The following SUSD4 variants were observed in gnomAD, a reference collection of about 807,000 sequenced individuals.
SUSD4 encodes the protein sushi domain-containing protein 4.
In SUSD4, 41 loss-of-function variants were observed where a neutral mutation model predicts 50.5. The ratio of observed to expected loss-of-function variants is 0.81; its 90% CI spans 0.63 to 1.05. The LOEUF is 1.05. Ranked by LOEUF, SUSD4 falls within the 50% of genes least tolerant of loss-of-function variation. The pLI, the probability that SUSD4 is intolerant of heterozygous loss-of-function variation, is 0.00. For missense variants in SUSD4, 580 were observed against 634.7 expected, an observed-to-expected ratio of 0.91 and a Z score of 0.93; for synonymous variants, 257 against 257.3, an observed-to-expected ratio of 1.00 and a Z score of 0.01.
intron 2 of SUSD4, among the ~76,000 whole-genome samples, chr1:223,299,550 C>G (rs1046515563): frequency 1.3e-5 from 2 of 152,094 alleles, no homozygotes; most frequent in African/African-American, 4.8e-5. Flanking sequence ...TAAGAGATAG[C>G]CTTTGTGATG....
In SUSD4 at chr1:223,227,765, G is replaced by A. The variant is rs763833870; in HGVS notation, c.917-27C>T. 36 of 1,588,020 alleles carry A rather than the reference G, an allele frequency of 2.3e-5. No homozygotes were observed. The highest frequency in any genetic ancestry group is 3.3e-4 in the Middle Eastern group (2 of 5,984). ...TGCATGAGGGAGAACAAAGCTGTAC[G>A]TGAGGCTCCCAGACCATGAGAGGTG... is the stretch of plus-strand genomic sequence containing the variant. On this transcript the variant is annotated intron_variant, in intron 6 of 8. Coordinates refer to ENST00000366878, the MANE Select transcript of SUSD4 (RefSeq NM_017982.4). This position sits in a 1 kb window ranked among gnomAD's most constrained non-coding sequence, Gnocchi z 4.5.
At chr1:223,226,347 G>A (rs1426001588) in intron 7 of SUSD4, among the ~76,000 whole-genome samples, 1 of 152,212 alleles carries the variant, frequency 6.6e-6, no homozygotes, top group East Asian at 1.9e-4. Flanking sequence ...ACACACCTCT[G>A]GGCCTGGGGA....
chr1:223,275,761 G>C (rs918720387), intron 3 of SUSD4, among the ~76,000 whole-genome samples: 1 of 151,896 alleles, frequency 6.6e-6, no homozygotes, highest in Non-Finnish European at 1.5e-5. Flanking sequence ...ACCACCATGT[G>C]ATGGGCTATG....
In SUSD4 at chr1:223,341,642, G is replaced by A. The variant is rs115764077; in HGVS notation, c.148+21636C>T. ...CAGGTCTTGTTTTAAATACACAAAC[G>A]GAGGGACAATCAGCATGGCTCCCCC... On this transcript the variant is annotated intron_variant, in intron 2 of 8. Coordinates refer to ENST00000366878, the MANE Select transcript of SUSD4 (RefSeq NM_017982.4). Among the ~76,000 whole-genome samples the A allele has an allele frequency of 8.8e-3, 1,337 of 152,288 alleles. 22 individuals are homozygous for A. Among genetic ancestry groups the A allele is most frequent in the African/African-American group, 0.03 (1,262 of 41,566 alleles).
intron 5 of SUSD4, among the ~76,000 whole-genome samples, chr1:223,237,784 A>G (rs750834627): frequency 6.6e-6 from 1 of 151,954 alleles, no homozygotes; most frequent in African/African-American, 2.4e-5. Flanking sequence ...TATGTTCATG[A>G]AAGATATTGA....
chr1:223,229,170 C>T lies in SUSD4; in HGVS notation c.916+27G>A, dbSNP rs374712669. ...AGATGGTCCAAGGAGGGTCCATCTC[C>T]TCCAAGGGTGAGGCCTTCAGTCTTA... On this transcript the variant is annotated intron_variant, in intron 6 of 8. Transcript: ENST00000366878. The surrounding 1 kb of genome is among the most constrained non-coding windows in gnomAD (Gnocchi z 4.7). 1.3e-6 allele frequency: 2 copies of T among 1,581,784 alleles called. No homozygotes were observed. The highest frequency in any genetic ancestry group is 1.8e-4 in the Middle Eastern group (1 of 5,666).
At chr1:223,224,484 G>T (rs1287171999) in intron 7 of SUSD4, among the ~76,000 whole-genome samples, 1 of 151,858 alleles carries the variant, frequency 6.6e-6, no homozygotes, top group East Asian at 1.9e-4. Flanking sequence ...TTTAAAAAAA[G>T]AAAAAGAAAA....
intron 2 of SUSD4, among the ~76,000 whole-genome samples, chr1:223,311,144 CAGAT>C (rs1417266405): frequency 1.3e-5 from 2 of 152,226 alleles, no homozygotes; most frequent in Non-Finnish European, 2.9e-5. Flanking sequence ...AGAAATAACA[CAGAT>C]GGATGCCGAG....
chr1:223,228,453 C>T (rs568719229), intron 6 of SUSD4, among the ~76,000 whole-genome samples: 1 of 152,328 alleles, frequency 6.6e-6, no homozygotes, highest in African/African-American at 2.4e-5. Context: ...ATGCAGTCAT[C>T]AGCACTGCTC....
chr1:223,338,336 C>A (rs1386040192), intron 2 of SUSD4, among the ~76,000 whole-genome samples: 3 of 152,110 alleles, frequency 2.0e-5, no homozygotes, highest in South Asian at 2.1e-4. Context: ...CAGGGCTGCA[C>A]AAGTACCCAG....
intron 8 of SUSD4, among the ~76,000 whole-genome samples, chr1:223,222,887 G>A (rs950471076): frequency 3.3e-5 from 5 of 152,120 alleles, no homozygotes; most frequent in African/African-American, 1.2e-4. Flanking sequence ...CCACTTCCAG[G>A]AGTCCTATCT....
At chr1:223,256,837 A>G (rs1385002373) in intron 5 of SUSD4, among the ~76,000 whole-genome samples, 3 of 152,190 alleles carry the variant, frequency 2.0e-5, no homozygotes, top group African/African-American at 7.2e-5. Context: ...GGCCTAGAAG[A>G]GTAGTGTCAG....
intron 3 of SUSD4, among the ~76,000 whole-genome samples, chr1:223,287,167 C>T (rs931634230): frequency 6.6e-6 from 1 of 152,224 alleles, no homozygotes; most frequent in Non-Finnish European, 1.5e-5. Flanking sequence ...CCTCTGCCTC[C>T]TGGGTTCAAA....
intron 4 of SUSD4, among the ~76,000 whole-genome samples, chr1:223,265,561 C>T (rs1449798681): frequency 6.6e-6 from 1 of 152,236 alleles, no homozygotes; most frequent in Admixed American, 6.5e-5. Flanking sequence ...CACTGCCAGG[C>T]TCGGGACCAC....
intron 5 of SUSD4, among the ~76,000 whole-genome samples, chr1:223,232,279 A>C (rs1442960949): frequency 6.6e-6 from 1 of 152,226 alleles, no homozygotes; most frequent in Non-Finnish European, 1.5e-5. Context: ...ATACTGTATT[A>C]TACACTGGAA....
chr1:223,224,252 C>T (rs1371209898), intron 7 of SUSD4, among the ~76,000 whole-genome samples: 2 of 152,050 alleles, frequency 1.3e-5, no homozygotes, highest in Non-Finnish European at 2.9e-5. Flanking sequence ...CAGGAGGATC[C>T]CTGGAGCCCA....
At chr1:223,341,865 T>C (rs958880820) in intron 2 of SUSD4, among the ~76,000 whole-genome samples, 7 of 151,898 alleles carry the variant, frequency 4.6e-5, no homozygotes, top group Admixed American at 3.9e-4. Context: ...GAGACCACCA[T>C]GCCTCCTGCT....
At chr1:223,296,603 AC>A (rs1664842279) in intron 2 of SUSD4, among the ~76,000 whole-genome samples, 2 of 152,262 alleles carry the variant, frequency 1.3e-5, no homozygotes, top group South Asian at 4.1e-4. Context: ...AATAAGGGAC[AC>A]CCAGAAAGGA....
intron 3 of SUSD4, among the ~76,000 whole-genome samples, chr1:223,276,204 G>T (rs1356525313): frequency 6.6e-6 from 1 of 152,252 alleles, no homozygotes; most frequent in African/African-American, 2.4e-5. Flanking sequence ...CCCCAAGTCA[G>T]TTTGGTGTTC....
Sources: gnomAD v4.1 joint callset for allele counts (sites outside exome capture counted in the v4.1 genomes callset) on GRCh38, gnomAD v4.1.1 for gene constraint, Gnocchi (gnomAD v3.1) non-coding constraint, MANE v1.5 for transcripts, NCBI Gene and HGNC (gene_info 2026-07-23, HGNC 2026-07-21) for gene names.